Variants in ZNF423 observed in about 807,000 individuals in gnomAD.
ZNF423 encodes Ebf-associated zinc finger protein.
ZNF423 carries 12 observed loss-of-function variants against 95.8 expected under a neutral mutation model. The ratio of observed to expected loss-of-function variants is 0.13; its 90% CI spans 0.08 to 0.20. The LOEUF is 0.20. Among genes scored for constraint, ZNF423 ranks in the 10% least tolerant of loss-of-function variants. The pLI, the probability that ZNF423 is intolerant of heterozygous loss-of-function variation, is 1.00. For synonymous variants in ZNF423, 749 were observed against 711.9 expected (o/e 1.05, Z -0.83); for missense variants, 1,316 against 1,737.1 (o/e 0.76, Z 4.31).
chr16:49,527,168 G>A (rs1027838408), intron 5 of ZNF423, among the ~76,000 whole-genome samples: 6 of 152,028 alleles, frequency 3.9e-5, no homozygotes, highest in Non-Finnish European at 8.8e-5. Context: ...CCGCAGAGGC[G>A]CACACACACA....
intron 5 of ZNF423, among the ~76,000 whole-genome samples, chr16:49,617,796 G>A (rs1307681050): frequency 2.0e-5 from 3 of 152,034 alleles, no homozygotes; most frequent in East Asian, 3.9e-4. Context: ...CCTTCCATCT[G>A]ATGCCACTGA....
At position 49,573,978 on chromosome 16, in the gene ZNF423, G is replaced by A. The variant is rs753528630; in HGVS notation, c.3602-48484C>T. ...CTTCATCCATACCTCACAGCAAGCCGTACCAATCTCTAAGGAATCACTGCA... is the reference window on the plus strand; with the variant it reads ...CTTCATCCATACCTCACAGCAAGCCATACCAATCTCTAAGGAATCACTGCA... On this transcript the variant is annotated intron_variant, in intron 5 of 7. Transcript: ENST00000563137. Among the ~76,000 whole-genome samples, 7 of 152,210 alleles carry A rather than the reference G, an allele frequency of 4.6e-5. No individual in the cohort carries two copies. The East Asian group carries it at 7.7e-4, about 17-fold the overall frequency.
At chr16:49,777,291 T>G (rs1209155563) in intron 2 of ZNF423, among the ~76,000 whole-genome samples, 1 of 152,222 alleles carries the variant, frequency 6.6e-6, no homozygotes, top group Non-Finnish European at 1.5e-5. Flanking sequence ...GGGTGGTACA[T>G]GTGCATTGTG....
intron 3 of ZNF423, among the ~76,000 whole-genome samples, chr16:49,709,449 C>T (rs377652884): frequency 2.0e-5 from 3 of 152,028 alleles, no homozygotes; most frequent in Admixed American, 1.3e-4. Context: ...TCCTACACCA[C>T]GCCAGGTACG....
chr16:49,554,120 T>C (rs899461790), intron 5 of ZNF423, among the ~76,000 whole-genome samples: 4 of 152,178 alleles, frequency 2.6e-5, no homozygotes, highest in Admixed American at 6.5e-5. Context: ...GATGCATCCA[T>C]GCTGGAGAGC....
intron 3 of ZNF423, among the ~76,000 whole-genome samples, chr16:49,677,278 G>GAAGAGAAGAGAAGAGAA (rs2031117410): frequency 1.2e-5 from 1 of 80,490 alleles, no homozygotes; most frequent in African/African-American, 4.7e-5. Flanking sequence ...GAAGAGAAGA[G>GAAGAGAAGAGAAGAGAA]AAGAGAAGAG....
At chr16:49,812,578 G>A (rs1157534518) in intron 1 of ZNF423, among the ~76,000 whole-genome samples, 3 of 152,182 alleles carry the variant, frequency 2.0e-5, no homozygotes, top group Non-Finnish European at 2.9e-5. Flanking sequence ...TACTCAGGAG[G>A]CTAAGGTGGG....
intron 7 of ZNF423, among the ~76,000 whole-genome samples, chr16:49,522,582 C>T (rs1350423299): frequency 6.6e-6 from 1 of 152,102 alleles, no homozygotes; most frequent in African/African-American, 2.4e-5. Context: ...TCCCGACAGG[C>T]TCATTCTTGG....
intron 7 of ZNF423, among the ~76,000 whole-genome samples, chr16:49,519,890 C>T (rs909231521): frequency 6.6e-6 from 1 of 152,166 alleles, no homozygotes; most frequent in Non-Finnish European, 1.5e-5. Flanking sequence ...CTTCTGTCAT[C>T]CTAGCCCTGG....
At chr16:49,642,770 G>A (rs1300811401) in intron 3 of ZNF423, among the ~76,000 whole-genome samples, 1 of 151,890 alleles carries the variant, frequency 6.6e-6, no homozygotes, top group Non-Finnish European at 1.5e-5. Flanking sequence ...TGTATCTACA[G>A]GGGCGTCAGC....
intron 5 of ZNF423, among the ~76,000 whole-genome samples, chr16:49,604,949 TCA>T (rs1269649301): frequency 3.9e-5 from 6 of 152,008 alleles, no homozygotes; most frequent in Non-Finnish European, 8.8e-5. Flanking sequence ...GAAAAATAAA[TCA>T]CACCCCAGAG....
At chr16:49,585,411 C>G (rs948538411) in intron 5 of ZNF423, among the ~76,000 whole-genome samples, 34 of 152,178 alleles carry the variant, frequency 2.2e-4, no homozygotes, top group Admixed American at 1.0e-3. Context: ...CCCCCACCCC[C>G]ACACCCATAG....
intron 7 of ZNF423, among the ~76,000 whole-genome samples, chr16:49,491,542 C>CTTTTT (rs35641691): frequency 6.3e-5 from 7 of 111,212 alleles, no homozygotes; most frequent in African/African-American, 1.4e-4. Flanking sequence ...TGTTTTTTGG[C>CTTTTT]TTTTTTTTTT....
chr16:49,835,103 C>A (rs555537646), intron 1 of ZNF423, among the ~76,000 whole-genome samples: 1 of 152,052 alleles, frequency 6.6e-6, no homozygotes, highest in East Asian at 1.9e-4. Flanking sequence ...GAAAGTCAGT[C>A]CTTCACTTTC....
At chr16:49,771,566 A>C (rs1242821329) in intron 2 of ZNF423, among the ~76,000 whole-genome samples, 1 of 152,116 alleles carries the variant, frequency 6.6e-6, no homozygotes. Flanking sequence ...GTTGGAGATA[A>C]TTGAATCATG....
intron 2 of ZNF423, among the ~76,000 whole-genome samples, chr16:49,748,637 C>G (rs192528020): frequency 6.6e-6 from 1 of 152,238 alleles, no homozygotes; most frequent in Non-Finnish European, 1.5e-5. Context: ...TGATCACTTA[C>G]TACAGGCAAG....
intron 1 of ZNF423, among the ~76,000 whole-genome samples, chr16:49,807,908 CAGG>C (rs1319721720): frequency 6.6e-6 from 1 of 152,228 alleles, no homozygotes; most frequent in Non-Finnish European, 1.5e-5. Context: ...CAACTCCTGC[CAGG>C]AGGACACACC....
chr16:49,648,383 T>C (rs1280410478), intron 3 of ZNF423, among the ~76,000 whole-genome samples: 2 of 152,230 alleles, frequency 1.3e-5, no homozygotes. Context: ...TGCTCACGCC[T>C]GTAATCCCAG....
intron 3 of ZNF423, among the ~76,000 whole-genome samples, chr16:49,688,052 CG>C (rs1176270028): frequency 8.2e-4 from 23 of 28,030 alleles, no homozygotes; most frequent in Admixed American, 2.8e-3. Context: ...GACCACGGTG[CG>C]GTTTTTTTTT....
Sources: gnomAD v4.1 joint callset for allele counts (sites outside exome capture counted in the v4.1 genomes callset) on GRCh38, gnomAD v4.1.1 for gene constraint, MANE v1.5 for transcripts, NCBI Gene and HGNC (gene_info 2026-07-23, HGNC 2026-07-21) for gene names.